WIPF2: variants seen among roughly 807,000 people sequenced by gnomAD.
WIPF2 encodes WAS/WASL interacting protein family member 2, also known as WAS/WASL-interacting protein family member 2.
In WIPF2, 23 loss-of-function variants were observed where a neutral mutation model predicts 38.8. That is an observed-to-expected ratio of 0.59 (90% CI 0.43 to 0.84). The LOEUF (loss-of-function observed/expected upper bound fraction) is 0.84, where lower values mean the gene tolerates loss of function less well. Ranked by LOEUF, WIPF2 falls within the 40% of genes least tolerant of loss-of-function variation. The pLI, the probability that WIPF2 is intolerant of heterozygous loss-of-function variation, is 0.00. For missense variants in WIPF2, 574 were observed against 580.5 expected (o/e 0.99, Z 0.11); for synonymous variants, 210 against 223.2 (o/e 0.94, Z 0.53).
intron 1 of WIPF2, among the ~76,000 whole-genome samples, chr17:40,228,311 G>A (rs911256312): frequency 2.0e-5 from 3 of 151,994 alleles, no homozygotes; most frequent in Non-Finnish European, 4.4e-5. Flanking sequence ...CACCGCGCCC[G>A]GCCATTTTTA....
At chr17:40,236,719 C>G (rs2030985988) in intron 1 of WIPF2, among the ~76,000 whole-genome samples, 1 of 151,786 alleles carries the variant, frequency 6.6e-6, no homozygotes, top group East Asian at 1.9e-4. Flanking sequence ...AAGCAATTCC[C>G]TGCCTCAGCC....
Position 40,240,632 on chromosome 17 carries a change from T to C in WIPF2, c.-69-15759T>C, listed in dbSNP as rs1318463952. 3.3e-5 allele frequency among the ~76,000 whole-genome samples: 5 copies of C among 152,026 alleles called. No homozygotes were observed. In the South Asian group the frequency reaches 8.3e-4, roughly 25 times the overall value. On this transcript the variant is annotated intron_variant, in intron 1 of 7. Coordinates refer to ENST00000323571, the MANE Select transcript of WIPF2 (RefSeq NM_133264.5). ...CCTTTCCCAGTTTTTTTGCTTGTTG[T>C]TTGGTTTATGTCTTTATAAAAAAAA...
chr17:40,231,664 C>T (rs2030743835), intron 1 of WIPF2, among the ~76,000 whole-genome samples: 1 of 151,994 alleles, frequency 6.6e-6, no homozygotes. Context: ...ACCTTGTGAT[C>T]CACCCGCCTT....
At position 40,260,611 on chromosome 17, in the gene WIPF2, G is replaced by A; in HGVS notation, c.140G>A (p.Gly47Glu). Residue 47 changes from glycine to glutamate, a missense_variant, in exon 3 of 8, where the codon GGG becomes GAG. Transcript: ENST00000323571. ...RGALLQDICK[G>E]TKLKKVTNIN... The stretch of plus-strand genomic sequence containing the variant: ...GCCCTCTTACAGGACATTTGCAAAG[G>A]GACCAAGCTGAAGAAGGTGACCAAC... The A allele has an allele frequency of 6.2e-7, 1 of 1,613,830 alleles. No individual in the cohort carries two copies. Among genetic ancestry groups the A allele is most frequent in the South Asian group, 1.1e-5 (1 of 91,060 alleles).
At chr17:40,257,410 C>T (rs2031760888) in intron 2 of WIPF2, among the ~76,000 whole-genome samples, 1 of 151,986 alleles carries the variant, frequency 6.6e-6, no homozygotes, top group African/African-American at 2.4e-5. Flanking sequence ...TGTATTGGTT[C>T]GAAGACTGAA....
chr17:40,271,225 C>CAG (rs2032241204), intron 5 of WIPF2, among the ~76,000 whole-genome samples: 1 of 152,212 alleles, frequency 6.6e-6, no homozygotes, highest in Non-Finnish European at 1.5e-5. Context: ...ATCTGCCTGC[C>CAG]TCAGCCTCCC....
At chr17:40,226,778 G>A (rs758566544) in intron 1 of WIPF2, among the ~76,000 whole-genome samples, 2 of 152,048 alleles carry the variant, frequency 1.3e-5, no homozygotes. Flanking sequence ...GTCTTGCTCT[G>A]TTGCCCAGGC....
intron 2 of WIPF2, among the ~76,000 whole-genome samples, chr17:40,257,988 A>G (rs1031118975): frequency 2.2e-4 from 33 of 152,130 alleles, no homozygotes; most frequent in South Asian, 2.1e-4. Context: ...GTTCAGGTCT[A>G]CCCACTTCTG....
At chr17:40,243,420 A>G (rs926995400) in intron 1 of WIPF2, among the ~76,000 whole-genome samples, 3 of 152,210 alleles carry the variant, frequency 2.0e-5, no homozygotes, top group African/African-American at 4.8e-5. Context: ...AAAGAATTTC[A>G]TCATTCAGTA....
In WIPF2 at chr17:40,273,474, C is replaced by T. The variant is rs1366210900; in HGVS notation, c.971-316C>T. The T allele has an allele frequency of 1.0e-5, 3 of 295,388 alleles. No homozygotes were observed. The Admixed American group carries it at 1.5e-4, about 15-fold the overall frequency. The allele number at this position is 295,388 out of a possible 1,614,324, so 18.3% of individuals were successfully genotyped here. On this transcript the variant is annotated intron_variant, in intron 5 of 7. Transcript: ENST00000323571. ...CAAAGCAAGGAGAACATTCGGAAGG[C>T]TTTTGCAGTAGAGAACAGGCTAAAT...
rs183177443 is a variant in WIPF2 at position 40,241,146 on chromosome 17, C to G, written c.-69-15245C>G. Reference sequence around the variant, plus strand: ...TTAGCATAGTGTTTTCTAGACTTCCCTAACACCAAGAATCACTTAAAGTGC... The same window carrying G: ...TTAGCATAGTGTTTTCTAGACTTCCGTAACACCAAGAATCACTTAAAGTGC... On this transcript the variant is annotated intron_variant, in intron 1 of 7. Coordinates refer to ENST00000323571, the MANE Select transcript of WIPF2 (RefSeq NM_133264.5). 3.9e-5 allele frequency among the ~76,000 whole-genome samples: 6 copies of G among 152,188 alleles called. No homozygotes were observed. The East Asian group carries it at 9.6e-4, about 24-fold the overall frequency.
chr17:40,250,899 G>A (rs1421404378), intron 1 of WIPF2, among the ~76,000 whole-genome samples: 3 of 143,918 alleles, frequency 2.1e-5, no homozygotes, highest in Non-Finnish European at 3.0e-5. Context: ...GCCAGTACAC[G>A]TTAGCTATTA....
At chr17:40,242,509 C>T (rs1307354241) in intron 1 of WIPF2, among the ~76,000 whole-genome samples, 2 of 152,152 alleles carry the variant, frequency 1.3e-5, no homozygotes, top group Admixed American at 6.5e-5. Context: ...AAGTGATTCT[C>T]CTGCCTCAGC....
chr17:40,277,797 C>T (rs12951191), intron 7 of WIPF2, among the ~76,000 whole-genome samples: 1 of 143,924 alleles, frequency 6.9e-6, no homozygotes, highest in Admixed American at 7.0e-5. Context: ...GCCATCTCGG[C>T]TCACCCCAAA....
At position 40,219,326 on chromosome 17, in the gene WIPF2, A is replaced by C. The variant is rs1221581272; in HGVS notation, c.-236A>C. 6.4e-6 allele frequency: 2 copies of C among 312,024 alleles called. No individual in the cohort carries two copies. The highest frequency in any genetic ancestry group is 1.2e-5 in the Non-Finnish European group (2 of 163,002). The allele number at this position is 312,024 out of a possible 1,614,324, so 19.3% of individuals were successfully genotyped here. ...TCCATTTTGTTCGCGGACGCTGGGG[A>C]CGGTGGGAGCAGATCCATTTCCGGG... On this transcript the variant is annotated 5_prime_UTR_variant, in exon 1 of 8. Transcript: ENST00000323571.
chr17:40,250,434 A>T, intron 1 of WIPF2, among the ~76,000 whole-genome samples: 1 of 144,272 alleles, frequency 6.9e-6, no homozygotes. Context: ...TTTTTTTAGT[A>T]GAGACAGGGT....
chr17:40,245,965 GT>G (rs1241186671), intron 1 of WIPF2, among the ~76,000 whole-genome samples: 1 of 151,894 alleles, frequency 6.6e-6, no homozygotes, highest in Non-Finnish European at 1.5e-5. Flanking sequence ...ATAGCCTTGT[GT>G]TTCTTTCTTT....
In WIPF2 at chr17:40,274,557, G is replaced by GAA. The variant is rs571085371; in HGVS notation, c.1180+588_1180+589dup. Among the ~76,000 whole-genome samples, 179 of 24,772 alleles carry GAA rather than the reference G, an allele frequency of 7.2e-3. 29 individuals carry two copies. Among genetic ancestry groups the GAA allele is most frequent in the African/African-American group, 0.011 (75 of 6,830 alleles). 16.3% of individuals were successfully genotyped at this position (24,772 alleles called of 152,430 possible). A position where few individuals can be genotyped will look rare whatever the true frequency, so the allele number is the denominator to read the frequency against. ...CATCCAGCCTTTCCTTGGAATTCTT[G>GAA]AAAAAAAAAAAAAAAAAAAAAAAAA... On this transcript the variant is annotated intron_variant, in intron 6 of 7. Coordinates refer to ENST00000323571, the MANE Select transcript of WIPF2 (RefSeq NM_133264.5).
At chr17:40,260,276 C>T (rs1358221528) in intron 2 of WIPF2, among the ~76,000 whole-genome samples, 1 of 146,784 alleles carries the variant, frequency 6.8e-6, no homozygotes, top group Non-Finnish European at 1.5e-5. Context: ...CAACCTCCAC[C>T]TCCTGGGTTC....
Sources: gnomAD v4.1 joint callset for allele counts (sites outside exome capture counted in the v4.1 genomes callset) on GRCh38, gnomAD v4.1.1 for gene constraint, MANE v1.5 for transcripts, NCBI Gene and HGNC (gene_info 2026-07-23, HGNC 2026-07-21) for gene names.